The following CLRN1 variants were observed in gnomAD, a reference collection of about 807,000 sequenced individuals.
The protein encoded by CLRN1 is clarin-1.
Under a neutral mutation model 18.7 loss-of-function variants are expected in CLRN1, and 15 were observed. The ratio of observed to expected loss-of-function variants is 0.80; its 90% CI spans 0.54 to 1.23. CLRN1 has a LOEUF of 1.23. Among genes scored for constraint, CLRN1 ranks in the 50% most tolerant of loss-of-function variants. The probability of loss-of-function intolerance (pLI) is 0.00; values close to 1 mark genes in which losing one functional copy is unlikely to be tolerated. For missense variants in CLRN1, 311 were observed against 277.5 expected, an observed-to-expected ratio of 1.12 and a Z score of -0.86; for synonymous variants, 104 against 102.9, an observed-to-expected ratio of 1.01 and a Z score of -0.07.
intron 2 of CLRN1, among the ~76,000 whole-genome samples, chr3:150,933,386 G>T (rs1020351721): frequency 6.6e-6 from 1 of 152,136 alleles, no homozygotes; most frequent in Admixed American, 6.5e-5. Flanking sequence ...GGAAGGCTGG[G>T]GAGGGATGGC....
At chr3:150,947,941 A>G (rs1035066702) in intron 1 of CLRN1, among the ~76,000 whole-genome samples, 3 of 152,240 alleles carry the variant, frequency 2.0e-5, no homozygotes, top group African/African-American at 7.2e-5. Flanking sequence ...TGTCCACATC[A>G]AAAAGTTAGA....
At chr3:150,970,518 A>G (rs942105872) in intron 1 of CLRN1, among the ~76,000 whole-genome samples, 2 of 38,544 alleles carry the variant, frequency 5.2e-5, no homozygotes, top group Non-Finnish European at 1.5e-4. Flanking sequence ...TATGCTTAGG[A>G]AAAAAAAAAA....
intron 2 of CLRN1, among the ~76,000 whole-genome samples, chr3:150,929,197 A>T (rs1712994683): frequency 6.6e-6 from 1 of 152,162 alleles, no homozygotes; most frequent in African/African-American, 2.4e-5. Flanking sequence ...ATTTTAACAG[A>T]TGTAGCTGTG....
intron 1 of CLRN1, chr3:150,943,720 G>T: frequency 3.1e-6 from 5 of 1,588,574 alleles, no homozygotes; most frequent in South Asian, 1.1e-5. Flanking sequence ...ATGAAGCAAA[G>T]GGCCCACTGA....
chr3:150,958,428 G>A (rs1714859642), intron 1 of CLRN1, among the ~76,000 whole-genome samples: 2 of 152,030 alleles, frequency 1.3e-5, no homozygotes, highest in Admixed American at 6.6e-5. Flanking sequence ...ATAGCTGCTT[G>A]CCTTCCTTAA....
intron 2 of CLRN1, among the ~76,000 whole-genome samples, chr3:150,930,522 T>G (rs1713079417): frequency 6.6e-6 from 1 of 152,190 alleles, no homozygotes; most frequent in Non-Finnish European, 1.5e-5. Flanking sequence ...GCTGAGAATA[T>G]TCCTTTGTAA....
chr3:150,929,596 A>T (rs115127266), intron 2 of CLRN1, among the ~76,000 whole-genome samples: 1,647 of 152,310 alleles, frequency 0.011, 33 homozygotes, highest in African/African-American at 0.038. Flanking sequence ...ATAAAGCATG[A>T]TTTGCATTTG....
At position 150,941,720 on chromosome 3, in the gene CLRN1, C is replaced by T. The variant is rs754794211; in HGVS notation, c.295G>A (p.Val99Ile). 1.2e-5 allele frequency: 19 copies of T among 1,614,006 alleles called. No individual in the cohort carries two copies. The highest frequency in any genetic ancestry group is 3.3e-4 in the Middle Eastern group (2 of 6,060). ...LLKAIPVSIH[V>I]NVILFSAILI... ...ATGGCAGAGAAGAGAATGACATTGA[C>T]GTGGATGCTCACTGGGATTGCTTTG... is the stretch of plus-strand genomic sequence containing the variant. Residue 99 changes from valine to isoleucine, a missense_variant, in exon 2 of 3, where the codon GTC becomes ATC. By Grantham distance (29) the Val-to-Ile change is conservative (BLOSUM62 3). Transcript: ENST00000327047.
chr3:150,940,625 C>T, intron 2 of CLRN1: 1 of 1,096,342 alleles, frequency 9.1e-7, no homozygotes, highest in Non-Finnish European at 1.3e-6. Flanking sequence ...AATAAAATTA[C>T]TTGCCTCCCA....
Position 150,931,620 on chromosome 3 carries a change from T to C in CLRN1, c.434-3419A>G, listed in dbSNP as rs188855165. On this transcript the variant is annotated intron_variant, in intron 2 of 2. Transcript: ENST00000327047. ...TCAAGAGGCATGGTCAGAGCTTGGA[T>C]ACATGGTGCAATGTCCACACACCTA... 6.6e-5 allele frequency among the ~76,000 whole-genome samples: 10 copies of C among 152,314 alleles called. No individual in the cohort carries two copies. The East Asian group carries it at 1.7e-3, about 26-fold the overall frequency.
rs1250004057 is a variant in CLRN1 at position 150,971,973 on chromosome 3, G to C, written c.253+483C>G. 2.0e-5 allele frequency among the ~76,000 whole-genome samples: 3 copies of C among 152,160 alleles called. No individual in the cohort carries two copies. The East Asian group carries it at 5.8e-4, about 29-fold the overall frequency. On this transcript the variant is annotated intron_variant, in intron 1 of 2. Coordinates refer to ENST00000327047, the MANE Select transcript of CLRN1 (RefSeq NM_174878.3). ...TCCAAATTAGTTAAAAATGAAAACT[G>C]AATATTTAGCAGCAGGAAAGGTCTT... is the stretch of plus-strand genomic sequence containing the variant.
chr3:150,972,705 G>C lies in CLRN1; in HGVS notation c.4C>G (p.Pro2Ala). The change falls in exon 1 of 3, where the codon CCA (proline) becomes GCA (alanine). Residue 2 changes from proline to alanine, a missense_variant. Transcript: ENST00000327047. Reference protein sequence around the residue: MPSQQKKIIFCM... With the variant: MASQQKKIIFCM... ...AAAATGATTTTCTTCTGTTGGCTTG[G>C]CATGATGAGAAACGGCTTCTGTGAG... The C allele has an allele frequency of 6.2e-7, 1 of 1,614,208 alleles. No homozygotes were observed. The highest frequency in any genetic ancestry group is 2.2e-5 in the East Asian group (1 of 44,892).
Position 150,927,683 on chromosome 3 carries a change from T to G in CLRN1, c.*253A>C. On this transcript the variant is annotated 3_prime_UTR_variant, in exon 3 of 3. Coordinates refer to ENST00000327047, the MANE Select transcript of CLRN1 (RefSeq NM_174878.3). ...ACATATATATATATGGAGTAACAAT[T>G]TGTCGATTCTAGTCAACTGCCTTTG... 1 of 620,806 alleles carries G rather than the reference T, an allele frequency of 1.6e-6. No homozygotes were observed. Among genetic ancestry groups the G allele is most frequent in the Non-Finnish European group, 3.0e-6 (1 of 335,688 alleles). 38.5% of individuals were successfully genotyped at this position (620,806 alleles called of 1,614,324 possible).
chr3:150,971,056 C>T (rs1268095173), intron 1 of CLRN1, among the ~76,000 whole-genome samples: 7 of 152,166 alleles, frequency 4.6e-5, no homozygotes, highest in East Asian at 1.9e-4. Context: ...GTACCTTCTC[C>T]GCTTTTGTCT....
intron 1 of CLRN1, among the ~76,000 whole-genome samples, chr3:150,947,373 A>G (rs1072938): frequency 0.42 from 63,667 of 152,074 alleles, 16,046 homozygotes; most frequent in Non-Finnish European, 0.57. Flanking sequence ...CTAAATATAT[A>G]TGCATCCAAC....
chr3:150,948,501 A>G (rs964018171), intron 1 of CLRN1, among the ~76,000 whole-genome samples: 12 of 150,000 alleles, frequency 8.0e-5, no homozygotes, highest in Non-Finnish European at 1.6e-4. Context: ...AAAAAAAAAA[A>G]AAAAAAAAGA....
intron 1 of CLRN1, among the ~76,000 whole-genome samples, chr3:150,946,704 C>CTTTT (rs34471891): frequency 9.0e-6 from 1 of 110,710 alleles, no homozygotes; most frequent in South Asian, 2.8e-4. Flanking sequence ...CAGACCATTT[C>CTTTT]TTTTTTTTTT....
intron 1 of CLRN1, among the ~76,000 whole-genome samples, chr3:150,948,667 C>G (rs888661794): frequency 6.6e-6 from 1 of 151,838 alleles, no homozygotes; most frequent in East Asian, 1.9e-4. Context: ...AGGAAAAAAC[C>G]GACTCCACTT....
At chr3:150,941,424 G>A in intron 2 of CLRN1, 158 bp downstream of exon 2, 2 of 710,112 alleles carry the variant, frequency 2.8e-6, no homozygotes, top group Non-Finnish European at 2.4e-6. Flanking sequence ...CCCTACTGTT[G>A]AGCAAGTGTG....
Sources: gnomAD v4.1 joint callset for allele counts (sites outside exome capture counted in the v4.1 genomes callset) on GRCh38, gnomAD v4.1.1 for gene constraint, MANE v1.5 for transcripts, NCBI Gene and HGNC (gene_info 2026-07-23, HGNC 2026-07-21) for gene names.